DNAH11: variants seen among roughly 807,000 people sequenced by gnomAD.
The protein encoded by DNAH11 is axonemal beta dynein heavy chain 11.
DNAH11 carries 442 observed loss-of-function variants against 526.0 expected under a neutral mutation model. The observed-to-expected ratio is 0.84, with a 90% CI of 0.78 to 0.91. DNAH11 has a LOEUF of 0.91. Ranked by LOEUF, DNAH11 falls within the 40% of genes least tolerant of loss-of-function variation. The pLI, the probability that DNAH11 is intolerant of heterozygous loss-of-function variation, is 0.00. For synonymous variants in DNAH11, 2,461 were observed against 1,935.9 expected (o/e 1.27, Z -7.12); for missense variants, 6,989 against 5,448.7 (o/e 1.28, Z -8.90).
At chr7:21,892,790 C>A in intron 77 of DNAH11, 123 bp downstream of exon 77, 1 of 1,144,000 alleles carries the variant, frequency 8.7e-7, no homozygotes, top group Non-Finnish European at 1.2e-6. Flanking sequence ...CAACCACCAC[C>A]TAGATCAAAA....
intron 46 of DNAH11, among the ~76,000 whole-genome samples, chr7:21,737,654 G>C (rs1785674999): frequency 6.6e-6 from 1 of 152,198 alleles, no homozygotes; most frequent in Non-Finnish European, 1.5e-5. Context: ...GAAATGACAT[G>C]AAGTACCATT....
chr7:21,776,675 T>C (rs1156866952), intron 56 of DNAH11, among the ~76,000 whole-genome samples: 2 of 152,242 alleles, frequency 1.3e-5, no homozygotes, highest in Non-Finnish European at 2.9e-5. Flanking sequence ...ATTTCAGAGC[T>C]AACAGCTTCC....
At chr7:21,674,783 C>G (rs1270682841) in intron 30 of DNAH11, among the ~76,000 whole-genome samples, 1 of 152,090 alleles carries the variant, frequency 6.6e-6, no homozygotes, top group Non-Finnish European at 1.5e-5. Flanking sequence ...TGAAGTCTCA[C>G]ACGCACACCC....
intron 54 of DNAH11, 75 bp downstream of exon 54, chr7:21,750,439 T>G: frequency 1.3e-6 from 2 of 1,516,646 alleles, no homozygotes; most frequent in Non-Finnish European, 8.9e-7. Context: ...TCTGAGTTTT[T>G]TATTATGAGT....
At chr7:21,799,417 A>G (rs1261567622) in intron 61 of DNAH11, among the ~76,000 whole-genome samples, 1 of 151,832 alleles carries the variant, frequency 6.6e-6, no homozygotes, top group Non-Finnish European at 1.5e-5. Flanking sequence ...CATTCACTGC[A>G]ACTTCTGCCT....
intron 60 of DNAH11, among the ~76,000 whole-genome samples, chr7:21,788,161 C>T (rs889132432): frequency 1.3e-5 from 2 of 152,180 alleles, no homozygotes; most frequent in Non-Finnish European, 2.9e-5. Context: ...AAGCACTTTG[C>T]TGAGTACTTG....
chr7:21,867,760 A>T, intron 71 of DNAH11, 99 bp from the exon 72 acceptor site: 1 of 1,073,606 alleles, frequency 9.3e-7, no homozygotes, highest in Non-Finnish European at 1.4e-6. Flanking sequence ...AAACCTGGTT[A>T]CTTCTATCGT....
chr7:21,811,298 T>G (rs375249371), intron 63 of DNAH11, among the ~76,000 whole-genome samples: 1 of 150,474 alleles, frequency 6.6e-6, no homozygotes, highest in African/African-American at 2.5e-5. Context: ...CCCCCCCCCC[T>G]ACTAAAAATT....
In DNAH11 at chr7:21,671,229, T is replaced by C. The variant is rs1583579970; in HGVS notation, c.5329-10317T>C. On this transcript the variant is annotated intron_variant, in intron 30 of 81. Transcript: ENST00000409508. ...TTGGAAGTTTGTATTTTTCAAGATA[T>C]TTGCCCATTTTAAGTAATTCAGCAT... is the stretch of plus-strand genomic sequence containing the variant. Among the ~76,000 whole-genome samples, 8 of 152,188 alleles carry C rather than the reference T, an allele frequency of 5.3e-5. No homozygotes were observed. The South Asian group carries it at 1.5e-3, about 28-fold the overall frequency.
At chr7:21,776,569 C>A (rs1310811337) in intron 56 of DNAH11, among the ~76,000 whole-genome samples, 1 of 152,162 alleles carries the variant, frequency 6.6e-6, no homozygotes, top group Admixed American at 6.5e-5. Context: ...AGCCAAATAA[C>A]CTCTCTCTAG....
chr7:21,782,480 C>A (rs1055848181), intron 57 of DNAH11, among the ~76,000 whole-genome samples: 2 of 152,206 alleles, frequency 1.3e-5, no homozygotes, highest in African/African-American at 4.8e-5. Context: ...GTTGACCAAC[C>A]TGAGAATCCT....
At chr7:21,753,666 G>A (rs562619585) in intron 54 of DNAH11, among the ~76,000 whole-genome samples, 1 of 152,156 alleles carries the variant, frequency 6.6e-6, no homozygotes, top group South Asian at 2.1e-4. Flanking sequence ...TAAATTCTCT[G>A]TTCTCTTTTC....
At chr7:21,641,068 C>T (rs1164540506) in intron 28 of DNAH11, among the ~76,000 whole-genome samples, 4 of 152,154 alleles carry the variant, frequency 2.6e-5, no homozygotes, top group African/African-American at 9.7e-5. Context: ...CCAGAGCCAC[C>T]CCCACTTTAA....
rs1464217560 is a variant in DNAH11, at chr7:21,789,322, G to T, written c.10006G>T (p.Ala3336Ser). 3 of 1,570,250 alleles carry T rather than the reference G, an allele frequency of 1.9e-6. No individual in the cohort carries two copies. The highest frequency in any genetic ancestry group is 4.7e-5 in the East Asian group (2 of 42,678). ...ELAAATEKLE[A>S]IRKKLVDLDR... The stretch of plus-strand genomic sequence containing the variant: ...GGCTGCAGCTACTGAAAAACTAGAG[G>T]CTATCAGGAAAAAGCTTGTGGTGAG... The change falls in exon 61 of 82, where the codon GCT becomes TCT. Residue 3336 changes from alanine to serine, a missense_variant. By Grantham distance (99) the Ala-to-Ser change is moderately conservative (BLOSUM62 1). Transcript: ENST00000409508.
At chr7:21,681,155 G>C (rs1157739544) in intron 30 of DNAH11, among the ~76,000 whole-genome samples, 1 of 152,124 alleles carries the variant, frequency 6.6e-6, no homozygotes, top group Non-Finnish European at 1.5e-5. Flanking sequence ...GGCCAGGCGT[G>C]GTGGCTCATG....
chr7:21,584,337 C>T (rs943187671), intron 9 of DNAH11, among the ~76,000 whole-genome samples: 10 of 152,070 alleles, frequency 6.6e-5, no homozygotes, highest in Admixed American at 5.2e-4. Flanking sequence ...AACAGAAAAC[C>T]AAACACTGCA....
intron 61 of DNAH11, among the ~76,000 whole-genome samples, chr7:21,799,403 T>C (rs1468852100): frequency 6.6e-6 from 1 of 152,096 alleles, no homozygotes; most frequent in Non-Finnish European, 1.5e-5. Flanking sequence ...AATGGCATGA[T>C]CTCCATTCAC....
At position 21,705,442 on chromosome 7, in the gene DNAH11, C is replaced by T. The variant is rs771247412; in HGVS notation, c.6469-18C>T. 10 of 1,612,920 alleles carry T rather than the reference C, an allele frequency of 6.2e-6. No homozygotes were observed. The highest frequency in any genetic ancestry group is 5.3e-5 in the African/African-American group (4 of 74,874). On this transcript the variant is annotated intron_variant, in intron 38 of 81. Coordinates refer to ENST00000409508, the MANE Select transcript of DNAH11 (RefSeq NM_001277115.2). ...CAACTCCTTAAAGGAAACCAGCAAC[C>T]AGCTGTTTGCTCTGCAGGTTGTCCA...
At chr7:21,596,489 A>G (rs1421201648) in intron 14 of DNAH11, among the ~76,000 whole-genome samples, 4 of 152,244 alleles carry the variant, frequency 2.6e-5, no homozygotes, top group South Asian at 4.1e-4. Context: ...TTATTCTCTG[A>G]CTTTTAAGAC....
Sources: allele counts gnomAD v4.1 joint callset (sites outside exome capture counted in the v4.1 genomes callset), GRCh38; gene constraint gnomAD v4.1.1; transcripts MANE v1.5; gene names NCBI Gene and HGNC (gene_info 2026-07-23, HGNC 2026-07-21).